The following NRXN3 variants were observed in gnomAD, a reference collection of about 807,000 sequenced individuals.
The protein encoded by NRXN3 is neurexin 3, also known as neurexin III.
Under a neutral mutation model 137.6 loss-of-function variants are expected in NRXN3, and 32 were observed. The ratio of observed to expected loss-of-function variants is 0.23; its 90% CI spans 0.18 to 0.31. The LOEUF (loss-of-function observed/expected upper bound fraction) is 0.31. Among genes scored for constraint, NRXN3 ranks in the 10% least tolerant of loss-of-function variants. The pLI is 1.00. For missense variants in NRXN3, 1,574 were observed against 2,062.5 expected (o/e 0.76, Z 4.59); for synonymous variants, 798 against 784.5 (o/e 1.02, Z -0.29).
chr14:79,366,032 C>CCTCT (rs556501687), intron 15 of NRXN3, among the ~76,000 whole-genome samples: 330 of 152,134 alleles, frequency 2.2e-3, no homozygotes, highest in African/African-American at 7.4e-3. Flanking sequence ...TGCAAGCACC[C>CCTCT]CTCTCTTCAG....
At chr14:78,483,202 A>C (rs1454058466) in intron 4 of NRXN3, among the ~76,000 whole-genome samples, 1 of 151,840 alleles carries the variant, frequency 6.6e-6, no homozygotes, top group African/African-American at 2.4e-5. Flanking sequence ...ACCCCAAAAA[A>C]CCCCACAAAA....
intron 16 of NRXN3, among the ~76,000 whole-genome samples, chr14:79,630,395 A>T (rs1273359233): frequency 6.6e-6 from 1 of 152,212 alleles, no homozygotes; most frequent in African/African-American, 2.4e-5. Context: ...CCTAGTTGAG[A>T]AAACATTCCT....
At chr14:78,920,847 G>C (rs2099269074) in intron 10 of NRXN3, among the ~76,000 whole-genome samples, 1 of 152,196 alleles carries the variant, frequency 6.6e-6, no homozygotes, top group African/African-American at 2.4e-5. Flanking sequence ...ATGAGGAAGA[G>C]GACCCAGAGC....
intron 16 of NRXN3, among the ~76,000 whole-genome samples, chr14:79,540,917 T>C (rs548312788): frequency 3.9e-5 from 6 of 152,246 alleles, no homozygotes; most frequent in South Asian, 4.1e-4. Context: ...TTTTTTTCTT[T>C]TGTCACAGTT....
chr14:79,092,944 A>G (rs1014823783), intron 15 of NRXN3, among the ~76,000 whole-genome samples: 2 of 152,184 alleles, frequency 1.3e-5, no homozygotes, highest in Non-Finnish European at 2.9e-5. Flanking sequence ...TGGGCTTTGC[A>G]GATCCTAGAG....
intron 4 of NRXN3, among the ~76,000 whole-genome samples, chr14:78,477,953 C>T (rs1235244195): frequency 6.6e-6 from 1 of 152,116 alleles, no homozygotes; most frequent in Non-Finnish European, 1.5e-5. Flanking sequence ...GACTCATGTA[C>T]ACACACATAC....
At chr14:78,264,740 C>G (rs1350484472) in intron 2 of NRXN3, among the ~76,000 whole-genome samples, 1 of 152,168 alleles carries the variant, frequency 6.6e-6, no homozygotes, top group African/African-American at 2.4e-5. Flanking sequence ...TTAGTGTTGT[C>G]TAATAACGGC....
rs78228088 is a variant in NRXN3 at position 79,501,300 on chromosome 14, C to G, written c.3444+33898C>G. On this transcript the variant is annotated intron_variant, in intron 16 of 20. Transcript: ENST00000335750. ...CATTTCCATTGCCCCCTCCCTCCCC[C>G]GCTTCTACTATGAGAGACCGAGATC... 1.4e-4 allele frequency among the ~76,000 whole-genome samples: 22 copies of G among 152,190 alleles called. 1 individual carries two copies. The highest frequency in any genetic ancestry group is 3.4e-3 in the Middle Eastern group (1 of 294).
chr14:78,260,088 A>G (rs573668136), intron 2 of NRXN3, among the ~76,000 whole-genome samples: 2 of 152,280 alleles, frequency 1.3e-5, no homozygotes, highest in South Asian at 4.1e-4. Context: ...AACAATGCAC[A>G]CTATTTGAGG....
chr14:79,120,833 A>C (rs1256457302), intron 15 of NRXN3, among the ~76,000 whole-genome samples: 1 of 152,182 alleles, frequency 6.6e-6, no homozygotes, highest in Non-Finnish European at 1.5e-5. Flanking sequence ...CAGCATATTA[A>C]TAAAATCTCA....
At position 79,577,411 on chromosome 14, in the gene NRXN3, CTT is replaced by C. The variant is rs1319290822; in HGVS notation, c.3445-86366_3445-86365del. Among the ~76,000 whole-genome samples, 4 of 152,228 alleles carry C rather than the reference CTT, an allele frequency of 2.6e-5. No individual in the cohort carries two copies. In the East Asian group the frequency reaches 7.7e-4, roughly 29 times the overall value. On this transcript the variant is annotated intron_variant, in intron 16 of 20. Coordinates refer to ENST00000335750, the MANE Select transcript of NRXN3 (RefSeq NM_001330195.2). ...TATTTTTCAGTCTTTTGAATGTACT[CTT>C]ATTGCTAAATTTGGAATATTTTTAG...
chr14:79,817,771 T>C (rs1568349416), intron 20 of NRXN3, among the ~76,000 whole-genome samples: 3 of 152,152 alleles, frequency 2.0e-5, no homozygotes, highest in South Asian at 4.1e-4. Context: ...GCCGGCCTCC[T>C]TGATAATAAA....
intron 15 of NRXN3, among the ~76,000 whole-genome samples, chr14:79,146,933 G>C (rs1478717876): frequency 6.6e-6 from 1 of 152,142 alleles, no homozygotes; most frequent in Non-Finnish European, 1.5e-5. Context: ...AGACTGAGGA[G>C]AGCAGCAACA....
chr14:78,284,124 C>A (rs1401721586), intron 3 of NRXN3, among the ~76,000 whole-genome samples: 1 of 152,096 alleles, frequency 6.6e-6, no homozygotes, highest in African/African-American at 2.4e-5. Flanking sequence ...AATCTTGGGG[C>A]CCCCAAATCA....
intron 2 of NRXN3, among the ~76,000 whole-genome samples, chr14:78,253,883 C>T (rs1254711188): frequency 7.5e-6 from 1 of 133,704 alleles, no homozygotes; most frequent in African/African-American, 2.8e-5. Context: ...TATCTCTGGT[C>T]AATACTGAGT....
intron 15 of NRXN3, among the ~76,000 whole-genome samples, chr14:79,099,971 A>T (rs2050975669): frequency 6.6e-6 from 1 of 152,194 alleles, no homozygotes; most frequent in African/African-American, 2.4e-5. Context: ...CAAGGGAATG[A>T]CCCAAACAGA....
intron 15 of NRXN3, among the ~76,000 whole-genome samples, chr14:79,067,123 A>G (rs144042627): frequency 1.4e-3 from 217 of 152,182 alleles, no homozygotes; most frequent in African/African-American, 5.1e-3. Flanking sequence ...GACTCTTACT[A>G]TTTTGAGATA....
chr14:79,118,230 C>A (rs1346474022), intron 15 of NRXN3, among the ~76,000 whole-genome samples: 1 of 151,036 alleles, frequency 6.6e-6, no homozygotes, highest in African/African-American at 2.4e-5. Flanking sequence ...GTGTCATTTT[C>A]TTTTAACAAA....
chr14:78,470,431 A>G (rs1179788172), intron 4 of NRXN3, among the ~76,000 whole-genome samples: 1 of 152,052 alleles, frequency 6.6e-6, no homozygotes. Context: ...AGTTGGGGCA[A>G]TTTCTTTTCT....
Sources: allele counts gnomAD v4.1 joint callset (sites outside exome capture counted in the v4.1 genomes callset), GRCh38; gene constraint gnomAD v4.1.1; transcripts MANE v1.5; gene names NCBI Gene and HGNC (gene_info 2026-07-23, HGNC 2026-07-21).